Variants in ALDH5A1 observed in about 807,000 individuals in gnomAD.
ALDH5A1 encodes succinate-semialdehyde dehydrogenase, mitochondrial.
A neutral mutation model predicts 54.7 loss-of-function variants in ALDH5A1; 33 were observed. That is an observed-to-expected ratio of 0.60 (90% confidence interval 0.46 to 0.81). The LOEUF (loss-of-function observed/expected upper bound fraction) is 0.81. Among genes scored for constraint, ALDH5A1 ranks in the 30% least tolerant of loss-of-function variants. The pLI, the probability that ALDH5A1 is intolerant of heterozygous loss-of-function variation, is 0.00. For missense variants in ALDH5A1, 657 were observed against 711.0 expected (o/e 0.92, Z 0.86); for synonymous variants, 294 against 292.7 (o/e 1.00, Z -0.05).
At chr6:24,520,821 A>C (rs1018479312) in intron 6 of ALDH5A1, among the ~76,000 whole-genome samples, 1 of 152,230 alleles carries the variant, frequency 6.6e-6, no homozygotes, top group Non-Finnish European at 1.5e-5. Context: ...GGCCCCCCCA[A>C]AATAAGGTAC....
Position 24,527,980 on chromosome 6 carries a change from TC to T in ALDH5A1, c.1174-16del. The stretch of plus-strand genomic sequence containing the variant: ...ATTGTATCATGTGGAAAGCTTTTTT[TC>T]TTCCTCATTACACAGGTGGAGAAAC... On this transcript the variant is annotated splice_polypyrimidine_tract_variant and intron_variant, in intron 7 of 9. Coordinates refer to ENST00000357578, the MANE Select transcript of ALDH5A1 (RefSeq NM_001080.3). The T allele has an allele frequency of 6.2e-7, 1 of 1,613,720 alleles. No individual in the cohort carries two copies. The highest frequency in any genetic ancestry group is 8.5e-7 in the Non-Finnish European group (1 of 1,179,772).
chr6:24,511,170 AGGGT>A (rs1561872407), intron 4 of ALDH5A1, among the ~76,000 whole-genome samples: 1 of 152,196 alleles, frequency 6.6e-6, no homozygotes, highest in Non-Finnish European at 1.5e-5. Flanking sequence ...TCTAGTTTGT[AGGGT>A]TTCTGCTGAG....
At chr6:24,526,990 A>C (rs373070617) in intron 7 of ALDH5A1, among the ~76,000 whole-genome samples, 27,248 of 99,018 alleles carry the variant, frequency 0.28, 3,971 homozygotes, top group Non-Finnish European at 0.36. Context: ...ATATATATAT[A>C]TATATATATA....
rs1406487770 is a variant in ALDH5A1, at chr6:24,509,343, A to G, written c.726+4358A>G. On this transcript the variant is annotated intron_variant, in intron 4 of 9. Transcript: ENST00000357578. This position sits in a 1 kb window ranked among gnomAD's most constrained non-coding sequence, Gnocchi z 4.7. ...TTATTTTCCCACATGTGGCTTGCCA[A>G]TTATCCCAGCACCATTTGTTGAGGG... Among the ~76,000 whole-genome samples the G allele has an allele frequency of 1.3e-5, 2 of 152,172 alleles. No homozygotes were observed. The highest frequency in any genetic ancestry group is 2.9e-5 in the Non-Finnish European group (2 of 68,008).
chr6:24,534,998 A>ATGACC lies in ALDH5A1; in HGVS notation c.*1287_*1291dup, dbSNP rs1561882159. ...TAACGCACAAAAAACAAAAGCCGCTATGACCGGCGTTGCCTCTCACTTTGA... is the reference window on the plus strand; with the variant it reads ...TAACGCACAAAAAACAAAAGCCGCTATGACCTGACCGGCGTTGCCTCTCACTTTGA... On this transcript the variant is annotated 3_prime_UTR_variant, in exon 10 of 10. Transcript: ENST00000357578. The ATGACC allele has an allele frequency of 6.6e-6, 1 of 152,230 alleles. No homozygotes were observed. Among genetic ancestry groups the ATGACC allele is most frequent in the Non-Finnish European group, 1.5e-5 (1 of 68,040 alleles). 9.4% of individuals were successfully genotyped at this position (152,230 alleles called of 1,614,324 possible).
Position 24,503,339 on chromosome 6 carries a change from G to A in ALDH5A1, c.515G>A (p.Arg172His), listed in dbSNP as rs773814880. 25 of 1,613,974 alleles carry A rather than the reference G, an allele frequency of 1.5e-5. No individual in the cohort carries two copies. The East Asian group carries it at 3.8e-4, about 24-fold the overall frequency. ...CTAGAGTGGTTCTCTGAGGAAGCCC[G>A]CCGTGTTTACGGAGACATTATCCAC... ...FFLEWFSEEA[R>H]RVYGDIIHTP... The change falls in exon 3 of 10, where the codon CGC (arginine) becomes CAC (histidine). Residue 172 changes from arginine to histidine, a missense_variant. This residue lies in a region of ALDH5A1 where 425 missense variants were observed against 516.4 expected (regional missense o/e 0.82). Transcript: ENST00000357578.
Position 24,504,869 on chromosome 6 carries a change from T to G in ALDH5A1, c.610T>G (p.Trp204Gly). 1 of 1,613,628 alleles carries G rather than the reference T, an allele frequency of 6.2e-7. No homozygotes were observed. The highest frequency in any genetic ancestry group is 1.1e-5 in the South Asian group (1 of 91,074). Reference sequence around the variant, plus strand: ...ACTTCCTCTGCTCTTCTAACCCCAGTGGAATTTCCCCAGTGCCATGATCAC... The same window carrying G: ...ACTTCCTCTGCTCTTCTAACCCCAGGGGAATTTCCCCAGTGCCATGATCAC... ...PIGVAAVITPWNFPSAMITRK... is the reference protein window; with the variant it reads ...PIGVAAVITPGNFPSAMITRK... The change falls in exon 4 of 10, where the codon TGG (tryptophan) becomes GGG (glycine). Residue 204 changes from tryptophan to glycine, a missense_variant and splice_region_variant. Physicochemically the swap from Trp to Gly is radical, Grantham distance 184. Around this residue, in one of 2 missense-constraint regions of ALDH5A1, gnomAD observed 425 missense variants for 516.4 expected, o/e 0.82. Transcript: ENST00000357578.
intron 1 of ALDH5A1, among the ~76,000 whole-genome samples, chr6:24,500,362 G>T (rs1329374806): frequency 6.6e-6 from 1 of 152,124 alleles, no homozygotes; most frequent in Non-Finnish European, 1.5e-5. Flanking sequence ...TTGCCAGTGA[G>T]CCACTATAAT....
chr6:24,511,746 T>G (rs577159057), intron 4 of ALDH5A1: 47 of 403,028 alleles, frequency 1.2e-4, no homozygotes, highest in South Asian at 3.5e-4. Flanking sequence ...TTTTTTTTTT[T>G]TGTGACTTCC....
intron 1 of ALDH5A1, among the ~76,000 whole-genome samples, chr6:24,500,738 A>G (rs1041673672): frequency 2.6e-5 from 4 of 151,724 alleles, no homozygotes; most frequent in African/African-American, 9.7e-5. Context: ...TATTTACCAT[A>G]AGCAATAATA....
intron 7 of ALDH5A1, among the ~76,000 whole-genome samples, 196 bp downstream of exon 7, chr6:24,523,121 A>G (rs371103865): frequency 6.6e-6 from 1 of 152,152 alleles, no homozygotes; most frequent in African/African-American, 2.4e-5. Flanking sequence ...AATGTATTGT[A>G]TATTTTCAAA....
chr6:24,495,644 A>G (rs1428338168), intron 1 of ALDH5A1, among the ~76,000 whole-genome samples: 5 of 152,242 alleles, frequency 3.3e-5, no homozygotes, highest in African/African-American at 9.6e-5. Flanking sequence ...GCTGCTTGTT[A>G]TGGTCAACAA....
intron 7 of ALDH5A1, among the ~76,000 whole-genome samples, chr6:24,526,874 T>TTC (rs1328448723): frequency 3.6e-5 from 4 of 110,438 alleles, no homozygotes; most frequent in African/African-American, 1.5e-4. Flanking sequence ...TATATATATC[T>TTC]TCTATATATA....
At chr6:24,521,290 T>C (rs755520826) in intron 6 of ALDH5A1, among the ~76,000 whole-genome samples, 1 of 152,246 alleles carries the variant, frequency 6.6e-6, no homozygotes, top group Non-Finnish European at 1.5e-5. Context: ...TCTACAAACG[T>C]TGCATTTTAG....
intron 4 of ALDH5A1, among the ~76,000 whole-genome samples, chr6:24,513,408 C>T (rs1569579): frequency 0.84 from 128,390 of 152,174 alleles, 54,923 homozygotes; most frequent in Non-Finnish European, 0.91. Context: ...CCTCAGTGTT[C>T]TTGTCAGAAT....
chr6:24,495,858 G>C (rs979734491), intron 1 of ALDH5A1, among the ~76,000 whole-genome samples: 1 of 152,170 alleles, frequency 6.6e-6, no homozygotes, highest in South Asian at 2.1e-4. Context: ...AGAAAGATTT[G>C]GGTTTTGTGC....
chr6:24,506,315 G>A lies in ALDH5A1; in HGVS notation c.726+1330G>A, dbSNP rs569023664. ...GTCACCCAGGCTGGAGTGCAGGGTC[G>A]CAATCTTGGCTCACTGCAACCTCTG... is the stretch of plus-strand genomic sequence containing the variant. On this transcript the variant is annotated intron_variant, in intron 4 of 9. Coordinates refer to ENST00000357578, the MANE Select transcript of ALDH5A1 (RefSeq NM_001080.3). Among the ~76,000 whole-genome samples the A allele has an allele frequency of 3.2e-4, 39 of 123,050 alleles. 1 individual carries two copies. The South Asian group carries it at 0.01, about 32-fold the overall frequency. The allele number at this position is 123,050 out of a possible 152,430, so 80.7% of individuals were successfully genotyped here.
In ALDH5A1 at chr6:24,535,021, T is replaced by C. The variant is rs1017116792; in HGVS notation, c.*1309T>C. 3 of 152,220 alleles carry C rather than the reference T, an allele frequency of 2.0e-5. No individual in the cohort carries two copies. The highest frequency in any genetic ancestry group is 2.0e-4 in the Admixed American group (3 of 15,286). 9.4% of individuals were successfully genotyped at this position (152,220 alleles called of 1,614,324 possible). A position where few individuals can be genotyped will look rare whatever the true frequency, so the allele number is the denominator to read the frequency against. On this transcript the variant is annotated 3_prime_UTR_variant, in exon 10 of 10. Transcript: ENST00000357578. ...CTATGACCGGCGTTGCCTCTCACTT[T>C]GAAAGAAAGACTCCGTAATCTTAAA...
intron 4 of ALDH5A1, among the ~76,000 whole-genome samples, chr6:24,507,950 C>T (rs1759388990): frequency 6.6e-6 from 1 of 151,904 alleles, no homozygotes; most frequent in African/African-American, 2.4e-5. Flanking sequence ...ACCCTTTCTC[C>T]CTGAGTCCCC....
Sources: allele counts gnomAD v4.1 joint callset (sites outside exome capture counted in the v4.1 genomes callset), GRCh38; gene constraint gnomAD v4.1.1; regional missense constraint gnomAD v4.1.1; non-coding constraint Gnocchi (gnomAD v3.1); transcripts MANE v1.5; gene names NCBI Gene and HGNC (gene_info 2026-07-23, HGNC 2026-07-21).